Variants in SGCZ observed in about 807,000 individuals in gnomAD.
The protein encoded by SGCZ is sarcoglycan zeta.
SGCZ carries 40 observed loss-of-function variants against 41.3 expected under a neutral mutation model. The observed-to-expected ratio is 0.97, with a 90% CI of 0.75 to 1.26. The LOEUF (loss-of-function observed/expected upper bound fraction) is 1.26, where lower values mean the gene tolerates loss of function less well. Ranked by LOEUF, SGCZ falls within the 50% of genes most tolerant of loss-of-function variation. The pLI, the probability that SGCZ is intolerant of heterozygous loss-of-function variation, is 0.00. For synonymous variants in SGCZ, 206 were observed against 137.5 expected (o/e 1.50, Z -3.49); for missense variants, 552 against 369.8 (o/e 1.49, Z -4.04).
chr8:14,158,788 A>T (rs1307955688), intron 5 of SGCZ, among the ~76,000 whole-genome samples: 1 of 152,132 alleles, frequency 6.6e-6, no homozygotes, highest in African/African-American at 2.4e-5. Context: ...GCTTGTTTTG[A>T]GATGGAGTCT....
chr8:14,606,991 T>C (rs1343222552), intron 1 of SGCZ, among the ~76,000 whole-genome samples: 2 of 152,164 alleles, frequency 1.3e-5, no homozygotes, highest in African/African-American at 4.8e-5. Flanking sequence ...ATGATACTGT[T>C]TTCATATTCA....
At position 14,164,632 on chromosome 8, in the gene SGCZ, A is replaced by C; in HGVS notation, c.495T>G (p.Phe165Leu). The C allele has an allele frequency of 6.2e-7, 1 of 1,613,644 alleles. No homozygotes were observed. ...VRASEDGRVL[F>L]SADEDEITIG... Reference sequence around the variant, plus strand: ...TGGTAATCTCATCTTCATCTGCAGAAAACAGCACCCTGCCATCTTCACTGG... The same window carrying C: ...TGGTAATCTCATCTTCATCTGCAGACAACAGCACCCTGCCATCTTCACTGG... The change falls in exon 5 of 8, where the codon TTT becomes TTG. Residue 165 changes from phenylalanine to leucine, a missense_variant. Physicochemically the swap from Phe to Leu is conservative, Grantham distance 22. Coordinates refer to ENST00000382080, the MANE Select transcript of SGCZ (RefSeq NM_139167.4).
intron 1 of SGCZ, among the ~76,000 whole-genome samples, chr8:15,023,053 C>T (rs1034656058): frequency 1.3e-4 from 20 of 152,296 alleles, no homozygotes; most frequent in African/African-American, 4.8e-4. Flanking sequence ...AGTCAGCTAT[C>T]AACTCCTCTT....
intron 2 of SGCZ, among the ~76,000 whole-genome samples, chr8:14,359,049 A>C (rs1159646740): frequency 2.0e-5 from 3 of 152,188 alleles, no homozygotes; most frequent in Non-Finnish European, 2.9e-5. Context: ...TCTTCCTTAA[A>C]AACAATTCTT....
chr8:14,643,585 G>T (rs1057048400), intron 1 of SGCZ, among the ~76,000 whole-genome samples: 2 of 151,066 alleles, frequency 1.3e-5, no homozygotes, highest in African/African-American at 4.9e-5. Context: ...GACAATAAAT[G>T]GATGATAATG....
chr8:14,305,598 G>T (rs12548475), intron 3 of SGCZ, among the ~76,000 whole-genome samples: 37,916 of 152,070 alleles, frequency 0.25, 4,924 homozygotes, highest in South Asian at 0.31. Flanking sequence ...AGTTCAGTCT[G>T]TCAGAGAGAG....
At chr8:14,923,517 T>C (rs1036039030) in intron 1 of SGCZ, among the ~76,000 whole-genome samples, 12 of 152,154 alleles carry the variant, frequency 7.9e-5, no homozygotes, top group African/African-American at 2.7e-4. Flanking sequence ...TTACGAAATG[T>C]ACGAAACTCC....
At chr8:15,078,142 CTCT>C (rs1805608642) in intron 1 of SGCZ, among the ~76,000 whole-genome samples, 4 of 115,244 alleles carry the variant, frequency 3.5e-5, no homozygotes, top group Non-Finnish European at 5.0e-5. Flanking sequence ...TTGGCAGGAA[CTCT>C]TCTTTTTTTT....
chr8:14,223,074 T>G (rs541480855), intron 4 of SGCZ, among the ~76,000 whole-genome samples: 23 of 152,114 alleles, frequency 1.5e-4, no homozygotes, highest in African/African-American at 5.3e-4. Flanking sequence ...CCTCCCAAAG[T>G]GCTGGGATTA....
intron 3 of SGCZ, among the ~76,000 whole-genome samples, chr8:14,315,708 A>G (rs1051451454): frequency 6.6e-6 from 1 of 152,030 alleles, no homozygotes; most frequent in Non-Finnish European, 1.5e-5. Context: ...AATATTGAAA[A>G]CAGAATACTC....
At chr8:14,881,802 T>C (rs1228240534) in intron 1 of SGCZ, among the ~76,000 whole-genome samples, 1 of 152,200 alleles carries the variant, frequency 6.6e-6, no homozygotes, top group Non-Finnish European at 1.5e-5. Flanking sequence ...ACATGGCACT[T>C]ACTCTAAAGT....
At chr8:14,435,034 A>C (rs567519794) in intron 2 of SGCZ, among the ~76,000 whole-genome samples, 2 of 152,314 alleles carry the variant, frequency 1.3e-5, no homozygotes, top group Admixed American at 1.3e-4. Flanking sequence ...TGTTAATACT[A>C]AAACCAGAAT....
intron 1 of SGCZ, among the ~76,000 whole-genome samples, chr8:14,674,051 G>T (rs1808195113): frequency 6.6e-6 from 1 of 152,028 alleles, no homozygotes; most frequent in African/African-American, 2.4e-5. Flanking sequence ...GAAGTTCGAT[G>T]AATAAATTTA....
intron 1 of SGCZ, among the ~76,000 whole-genome samples, chr8:15,137,348 A>G (rs1390522162): frequency 6.6e-6 from 1 of 152,142 alleles, no homozygotes; most frequent in African/African-American, 2.4e-5. Context: ...AAAAAAGAAA[A>G]CCCCATTTTC....
chr8:14,141,825 C>T (rs1475051024), intron 5 of SGCZ, among the ~76,000 whole-genome samples: 1 of 152,076 alleles, frequency 6.6e-6, no homozygotes, highest in Non-Finnish European at 1.5e-5. Flanking sequence ...GGTATATACC[C>T]AAAAGATTAT....
intron 1 of SGCZ, among the ~76,000 whole-genome samples, chr8:14,590,860 T>C (rs985984508): frequency 2.2e-4 from 32 of 148,632 alleles, no homozygotes; most frequent in African/African-American, 7.6e-4. Flanking sequence ...TAATATGTCA[T>C]ATATTATAAA....
At chr8:14,678,928 T>A (rs1351572667) in intron 1 of SGCZ, among the ~76,000 whole-genome samples, 2 of 152,176 alleles carry the variant, frequency 1.3e-5, no homozygotes, top group African/African-American at 4.8e-5. Flanking sequence ...GAAGCTAATC[T>A]GAAAAGCCTA....
chr8:14,173,661 T>C (rs887587026), intron 4 of SGCZ, among the ~76,000 whole-genome samples: 16 of 152,012 alleles, frequency 1.1e-4, no homozygotes, highest in Non-Finnish European at 1.9e-4. Flanking sequence ...AAAAAGCCAA[T>C]ACTGGAGATT....
At chr8:14,655,303 G>C (rs1401001297) in intron 1 of SGCZ, among the ~76,000 whole-genome samples, 1 of 151,896 alleles carries the variant, frequency 6.6e-6, no homozygotes, top group African/African-American at 2.4e-5. Context: ...GCTTGTAGAA[G>C]GTGTTCATAT....
Sources: allele counts gnomAD v4.1 joint callset (sites outside exome capture counted in the v4.1 genomes callset), GRCh38; gene constraint gnomAD v4.1.1; transcripts MANE v1.5; gene names NCBI Gene and HGNC (gene_info 2026-07-23, HGNC 2026-07-21).